Variants in GPC3 observed in about 807,000 individuals in gnomAD.
The protein encoded by GPC3 is glypican 3.
A neutral mutation model predicts 34.4 loss-of-function variants in GPC3; 3 were observed. The observed-to-expected ratio is 0.09, with a 90% CI of 0.04 to 0.23. The LOEUF is 0.23. Ranked by LOEUF, GPC3 falls within the 10% of genes least tolerant of loss-of-function variation. The probability of loss-of-function intolerance (pLI) is 1.00; values close to 1 mark genes in which losing one functional copy is unlikely to be tolerated. For missense variants in GPC3, 351 were observed against 445.6 expected (o/e 0.79, Z 1.91); for synonymous variants, 177 against 174.0 (o/e 1.02, Z -0.13).
chrX:133,661,952 T>C (rs749022343), intron 5 of GPC3, 102 bp from the exon 6 acceptor site: 72 of 953,140 alleles, frequency 7.6e-5, no homozygotes, highest in Non-Finnish European at 8.9e-6. Flanking sequence ...CACAAGCTCA[T>C]GAGACGACCT....
At chrX:133,544,499 G>A in intron 7 of GPC3, among the ~76,000 whole-genome samples, 1 of 111,372 alleles carries the variant, frequency 9.0e-6, no homozygotes, top group African/African-American at 3.3e-5. Flanking sequence ...CATTAAGAAA[G>A]AAATAAAAAA....
chrX:133,964,358 G>A (rs1328477560), intron 1 of GPC3, among the ~76,000 whole-genome samples: 1 of 112,007 alleles, frequency 8.9e-6, no homozygotes, highest in Non-Finnish European at 1.9e-5. Flanking sequence ...TAGATTGCAA[G>A]TGCACCACTG....
At chrX:133,833,481 C>T (rs1369018503) in intron 2 of GPC3, among the ~76,000 whole-genome samples, 1 of 111,506 alleles carries the variant, frequency 9.0e-6, no homozygotes, top group Non-Finnish European at 1.9e-5. Context: ...ATTCAACAAA[C>T]AGACGCTGAG....
intron 1 of GPC3, among the ~76,000 whole-genome samples, chrX:133,984,349 G>C (rs1173503271): frequency 1.8e-5 from 2 of 113,250 alleles, no homozygotes; most frequent in Admixed American, 1.9e-4. Flanking sequence ...GGTCTAATTG[G>C]ATTCTAAGGC....
intron 6 of GPC3, among the ~76,000 whole-genome samples, chrX:133,657,272 A>C (rs1418983594): frequency 1.8e-5 from 2 of 111,844 alleles, no homozygotes; most frequent in African/African-American, 3.3e-5. Context: ...ACTACTCTTA[A>C]AGAGAGAGAA....
intron 3 of GPC3, among the ~76,000 whole-genome samples, chrX:133,717,683 G>A (rs913932779): frequency 4.5e-5 from 5 of 110,665 alleles, no homozygotes; most frequent in South Asian, 4.0e-4. Context: ...TGTTGGAGAC[G>A]TGAGTCTTGC....
intron 2 of GPC3, among the ~76,000 whole-genome samples, chrX:133,874,385 T>C (rs1057327633): frequency 8.9e-6 from 1 of 111,956 alleles, no homozygotes; most frequent in South Asian, 3.7e-4. Context: ...GATTTGTCTA[T>C]GTCACTGATC....
intron 1 of GPC3, among the ~76,000 whole-genome samples, chrX:133,982,785 G>A (rs192399205): frequency 2.6e-4 from 29 of 112,062 alleles, no homozygotes; most frequent in Admixed American, 9.4e-4. Flanking sequence ...TTAAAATATG[G>A]ATGCAGAGGG....
chrX:133,921,785 C>T (rs1342327296), intron 2 of GPC3, among the ~76,000 whole-genome samples: 7 of 112,110 alleles, frequency 6.2e-5, no homozygotes, highest in African/African-American at 1.9e-4. Context: ...AACGTTGGCC[C>T]TGCCTACCCT....
At chrX:133,605,161 C>T (rs2070033410) in intron 6 of GPC3, among the ~76,000 whole-genome samples, 1 of 104,337 alleles carries the variant, frequency 9.6e-6, no homozygotes, top group Non-Finnish European at 1.9e-5. Context: ...GCTATATATG[C>T]ACTTCACACG....
chrX:133,922,397 G>A (rs2076253546), intron 2 of GPC3, among the ~76,000 whole-genome samples: 1 of 111,676 alleles, frequency 9.0e-6, no homozygotes, highest in Non-Finnish European at 1.9e-5. Flanking sequence ...AATGGAGGAT[G>A]GAGGGGGCAG....
At chrX:133,909,512 A>G (rs1028495452) in intron 2 of GPC3, among the ~76,000 whole-genome samples, 7 of 111,877 alleles carry the variant, frequency 6.3e-5, no homozygotes, top group Non-Finnish European at 1.1e-4. Flanking sequence ...CTTCAATATG[A>G]ATGTTTTAGA....
Position 133,704,277 on chromosome X carries a change from G to GA in GPC3, c.1033-4250dup, listed in dbSNP as rs372010975. On this transcript the variant is annotated intron_variant, in intron 3 of 7. Coordinates refer to ENST00000370818, the MANE Select transcript of GPC3 (RefSeq NM_004484.4). ...GCCATATTTTCTTCTCAGTTTCCTT[G>GA]AAAAAAAAAAAAAGGTGAAAATTAC... is the stretch of plus-strand genomic sequence containing the variant. The GA allele has an allele frequency of 0.076, 54,806 of 723,592 alleles. 283 individuals carry two copies. The highest frequency in any genetic ancestry group is 0.17 in the African/African-American group (7,004 of 41,656). 59.6% of individuals were successfully genotyped at this position (723,592 alleles called of 1,213,427 possible).
At chrX:133,779,311 T>C (rs1236696350) in intron 2 of GPC3, among the ~76,000 whole-genome samples, 1 of 112,720 alleles carries the variant, frequency 8.9e-6, no homozygotes, top group Non-Finnish European at 1.9e-5. Context: ...TATGCTTATG[T>C]ACTTTTTATG....
At chrX:133,927,274 A>G (rs1272242970) in intron 2 of GPC3, among the ~76,000 whole-genome samples, 1 of 110,769 alleles carries the variant, frequency 9.0e-6, no homozygotes, top group Non-Finnish European at 1.9e-5. Context: ...AGAGATGTAT[A>G]AAGTGAAAAG....
intron 6 of GPC3, among the ~76,000 whole-genome samples, chrX:133,628,049 G>A (rs191967816): frequency 6.3e-4 from 71 of 111,989 alleles, no homozygotes; most frequent in Non-Finnish European, 9.6e-4. Flanking sequence ...TTTTTGTGTC[G>A]ATGGTTTAAG....
intron 2 of GPC3, among the ~76,000 whole-genome samples, chrX:133,864,898 A>G (rs1329767844): frequency 8.9e-6 from 1 of 112,772 alleles, no homozygotes; most frequent in East Asian, 2.8e-4. Flanking sequence ...TTATGGAAAC[A>G]TACCTAGTGT....
At position 133,985,383 on chromosome X, in the gene GPC3, G is replaced by C; in HGVS notation, c.67C>G (p.Gln23Glu). 8.4e-7 allele frequency: 1 copy of C among 1,194,954 alleles called. No individual in the cohort carries two copies. The highest frequency in any genetic ancestry group is 2.3e-5 in the Admixed American group (1 of 44,158). ...GGCGGCGGCGGCGGGGGCTGCGCCTGTCCCGGGAAGTCCAAGCTGAGCAGC... is the reference window on the plus strand; with the variant it reads ...GGCGGCGGCGGCGGGGGCTGCGCCTCTCCCGGGAAGTCCAAGCTGAGCAGC... Reference protein sequence around the residue: ...AMLLSLDFPGQAQPPPPPPDA... With the variant: ...AMLLSLDFPGEAQPPPPPPDA... Residue 23 changes from glutamine to glutamate, a missense_variant, in exon 1 of 8, where the codon CAG becomes GAG. Transcript: ENST00000370818.
chrX:133,808,088 C>T (rs1419099980), intron 2 of GPC3, among the ~76,000 whole-genome samples: 1 of 112,368 alleles, frequency 8.9e-6, no homozygotes, highest in Non-Finnish European at 1.9e-5. Context: ...ACAATACTGG[C>T]CAAATGCCAA....
Sources: allele counts gnomAD v4.1 joint callset (sites outside exome capture counted in the v4.1 genomes callset), GRCh38; gene constraint gnomAD v4.1.1; transcripts MANE v1.5; gene names NCBI Gene and HGNC (gene_info 2026-07-23, HGNC 2026-07-21).